Variants in TMTC2 observed in about 807,000 individuals in gnomAD.
TMTC2 encodes the protein transmembrane O-mannosyltransferase targeting cadherins 2, also known as protein O-mannosyl-transferase TMTC2.
TMTC2 carries 43 observed loss-of-function variants against 82.4 expected under a neutral mutation model. That is an observed-to-expected ratio of 0.52 (90% CI 0.41 to 0.67). The LOEUF is 0.67. TMTC2 is among the 30% of genes least tolerant of loss of function. The probability of loss-of-function intolerance (pLI) is 0.00; values close to 1 mark genes in which losing one functional copy is unlikely to be tolerated. For synonymous variants in TMTC2, 408 were observed against 381.9 expected, an observed-to-expected ratio of 1.07 and a Z score of -0.80; for missense variants, 919 against 1,012.4, an observed-to-expected ratio of 0.91 and a Z score of 1.25.
intron 1 of TMTC2, among the ~76,000 whole-genome samples, chr12:82,718,076 A>C (rs766938938): frequency 3.1e-4 from 47 of 152,296 alleles, no homozygotes; most frequent in Non-Finnish European, 6.3e-4. Flanking sequence ...CACTAAGCTT[A>C]TGGGAGTTAT....
chr12:82,827,315 A>G (rs1337192071), intron 1 of TMTC2, among the ~76,000 whole-genome samples: 1 of 152,190 alleles, frequency 6.6e-6, no homozygotes. Flanking sequence ...AGTCACATCA[A>G]CCAAGCACCT....
Position 82,997,925 on chromosome 12 carries a change from G to T in TMTC2, c.2070+11879G>T, listed in dbSNP as rs116420732. 2.7e-3 allele frequency among the ~76,000 whole-genome samples: 407 copies of T among 152,108 alleles called. 2 individuals are homozygous for T. The highest frequency in any genetic ancestry group is 9.2e-3 in the African/African-American group (382 of 41,522). On this transcript the variant is annotated intron_variant, in intron 8 of 11. Transcript: ENST00000321196. ...TTTAGCTTATTCATCATATGAAACA[G>T]GTTTTTTCAAGTTGAATCCATTTAT...
intron 1 of TMTC2, among the ~76,000 whole-genome samples, chr12:82,816,956 TTTTC>T (rs1028525379): frequency 7.9e-5 from 12 of 151,616 alleles, no homozygotes; most frequent in African/African-American, 2.7e-4. Flanking sequence ...AGTCAGGAAT[TTTTC>T]TTTCTTTGTT....
At chr12:82,902,990 A>G (rs1441328233) in intron 3 of TMTC2, among the ~76,000 whole-genome samples, 1 of 152,214 alleles carries the variant, frequency 6.6e-6, no homozygotes, top group African/African-American at 2.4e-5. Flanking sequence ...GTGTATACTC[A>G]CCAGCCTTTC....
At chr12:82,979,232 G>C (rs1270568249) in intron 7 of TMTC2, among the ~76,000 whole-genome samples, 1 of 151,286 alleles carries the variant, frequency 6.6e-6, no homozygotes, top group Non-Finnish European at 1.5e-5. Flanking sequence ...GTTGTTTGCT[G>C]GTCATTTTGT....
At chr12:83,059,071 G>C (rs114066592) in intron 10 of TMTC2, among the ~76,000 whole-genome samples, 3 of 151,758 alleles carry the variant, frequency 2.0e-5, no homozygotes, top group Non-Finnish European at 4.4e-5. Flanking sequence ...GAAGGGATAC[G>C]AGTATGCAGG....
chr12:82,696,122 T>G (rs2136890603), intron 1 of TMTC2, among the ~76,000 whole-genome samples: 1 of 152,358 alleles, frequency 6.6e-6, no homozygotes, highest in Non-Finnish European at 1.5e-5. Flanking sequence ...CAAAGCAAGC[T>G]GTTTATGACA....
intron 1 of TMTC2, among the ~76,000 whole-genome samples, chr12:82,827,681 T>C (rs957184605): frequency 1.3e-5 from 2 of 150,216 alleles, no homozygotes; most frequent in African/African-American, 2.5e-5. Context: ...TTCTTTCTTT[T>C]ATTTTCTTTC....
intron 1 of TMTC2, among the ~76,000 whole-genome samples, chr12:82,788,031 C>T (rs1038331152): frequency 2.6e-5 from 4 of 152,040 alleles, no homozygotes; most frequent in East Asian, 1.9e-4. Context: ...AACGTGGTTA[C>T]GTGGTTTCCA....
intron 11 of TMTC2, among the ~76,000 whole-genome samples, chr12:83,101,608 C>T (rs1050244651): frequency 2.0e-5 from 3 of 152,126 alleles, no homozygotes; most frequent in Admixed American, 6.5e-5. Context: ...CATCATAATA[C>T]GTTGGAATCA....
At chr12:82,707,319 A>G (rs1341727703) in intron 1 of TMTC2, among the ~76,000 whole-genome samples, 1 of 152,144 alleles carries the variant, frequency 6.6e-6, no homozygotes, top group African/African-American at 2.4e-5. Flanking sequence ...CATTCAGATG[A>G]CCTAATCACC....
intron 4 of TMTC2, among the ~76,000 whole-genome samples, chr12:82,934,309 C>T (rs1281978545): frequency 6.6e-6 from 1 of 152,082 alleles, no homozygotes; most frequent in Non-Finnish European, 1.5e-5. Flanking sequence ...ATACACATGC[C>T]ATGGTGGTTT....
At chr12:82,824,178 G>C (rs1180846903) in intron 1 of TMTC2, among the ~76,000 whole-genome samples, 1 of 152,158 alleles carries the variant, frequency 6.6e-6, no homozygotes, top group African/African-American at 2.4e-5. Flanking sequence ...ATAGGCCTGG[G>C]CCACCGCGCC....
chr12:83,000,543 C>T (rs116459685), intron 8 of TMTC2, among the ~76,000 whole-genome samples: 2,727 of 152,292 alleles, frequency 0.018, 74 homozygotes, highest in African/African-American at 0.062. Flanking sequence ...CAGCTCCACC[C>T]GTGTGACTGC....
intron 1 of TMTC2, among the ~76,000 whole-genome samples, chr12:82,771,662 T>C (rs903956115): frequency 6.6e-6 from 1 of 152,184 alleles, no homozygotes; most frequent in Non-Finnish European, 1.5e-5. Context: ...TATATTGATA[T>C]ATGCATCAAA....
intron 1 of TMTC2, among the ~76,000 whole-genome samples, chr12:82,726,760 T>C (rs2136933512): frequency 6.6e-6 from 1 of 151,032 alleles, no homozygotes; most frequent in East Asian, 2.0e-4. Context: ...GCGCCTGTAG[T>C]CCCAGCTACT....
At chr12:82,807,391 C>T (rs576974449) in intron 1 of TMTC2, among the ~76,000 whole-genome samples, 2 of 152,102 alleles carry the variant, frequency 1.3e-5, no homozygotes, top group Non-Finnish European at 2.9e-5. Flanking sequence ...TAACTAGTTC[C>T]CTTTCATTCA....
At chr12:83,060,603 C>A (rs1882705978) in intron 10 of TMTC2, among the ~76,000 whole-genome samples, 2 of 151,712 alleles carry the variant, frequency 1.3e-5, no homozygotes, top group Non-Finnish European at 1.5e-5. Context: ...CTATATACAT[C>A]ATCTGAAATT....
At chr12:83,041,340 A>G (rs999087596) in intron 9 of TMTC2, among the ~76,000 whole-genome samples, 2 of 152,192 alleles carry the variant, frequency 1.3e-5, no homozygotes, top group Non-Finnish European at 2.9e-5. Flanking sequence ...CTCCTTGAGC[A>G]TGAGGTGACT....
Sources: allele counts gnomAD v4.1 joint callset (sites outside exome capture counted in the v4.1 genomes callset), GRCh38; gene constraint gnomAD v4.1.1; transcripts MANE v1.5; gene names NCBI Gene and HGNC (gene_info 2026-07-23, HGNC 2026-07-21).